Variants in UVRAG observed in about 807,000 individuals in gnomAD.
The protein encoded by UVRAG is UV radiation resistance-associated gene protein.
A neutral mutation model predicts 78.0 loss-of-function variants in UVRAG; 19 were observed. That is an observed-to-expected ratio of 0.24 (90% CI 0.17 to 0.36). The LOEUF is 0.36. UVRAG is among the 10% of genes least tolerant of loss of function. The pLI is 1.00. For synonymous variants in UVRAG, 323 were observed against 324.6 expected (o/e 1.00, Z 0.05); for missense variants, 740 against 853.8 (o/e 0.87, Z 1.66).
At chr11:76,082,464 C>T (rs918037347) in intron 13 of UVRAG, among the ~76,000 whole-genome samples, 5 of 133,384 alleles carry the variant, frequency 3.7e-5, no homozygotes, top group Non-Finnish European at 7.6e-5. Context: ...GGCATGAACC[C>T]GGGAGGCGGA....
At chr11:75,870,043 G>T (rs1444698970) in intron 3 of UVRAG, among the ~76,000 whole-genome samples, 1 of 152,106 alleles carries the variant, frequency 6.6e-6, no homozygotes, top group African/African-American at 2.4e-5. Context: ...TTTGTTCCAT[G>T]TAGAAATTGG....
intron 2 of UVRAG, among the ~76,000 whole-genome samples, chr11:75,854,472 A>C (rs1000239269): frequency 2.0e-5 from 3 of 151,992 alleles, no homozygotes; most frequent in African/African-American, 7.3e-5. Flanking sequence ...GCTGGAGTGC[A>C]GTGGTGCCAT....
intron 7 of UVRAG, among the ~76,000 whole-genome samples, chr11:75,982,929 T>C (rs1471355059): frequency 6.6e-6 from 1 of 152,212 alleles, no homozygotes; most frequent in Non-Finnish European, 1.5e-5. Flanking sequence ...ATTTGGGTTT[T>C]TTATGTCGTT....
chr11:76,096,883 G>A (rs530527607), intron 13 of UVRAG, among the ~76,000 whole-genome samples: 76 of 152,270 alleles, frequency 5.0e-4, no homozygotes, highest in Non-Finnish European at 9.4e-4. Context: ...AGCCTTTGCT[G>A]CTGCTCCAAG....
intron 11 of UVRAG, chr11:76,012,828 TG>T (rs1950078287): frequency 6.6e-6 from 1 of 151,668 alleles, no homozygotes; most frequent in African/African-American, 2.4e-5. Context: ...TGTGTGTGTG[TG>T]TGTGTGTGTG....
At chr11:76,140,632 G>A in intron 14 of UVRAG, 79 bp from the exon 15 acceptor site, 2 of 1,370,292 alleles carry the variant, frequency 1.5e-6, no homozygotes, top group Non-Finnish European at 2.0e-6. Flanking sequence ...TAAGTATGCT[G>A]TTCCCTGTCT....
At chr11:76,132,978 C>T (rs1223017233) in intron 14 of UVRAG, among the ~76,000 whole-genome samples, 2 of 152,190 alleles carry the variant, frequency 1.3e-5, no homozygotes, top group Non-Finnish European at 2.9e-5. Flanking sequence ...CTAGTGGCTT[C>T]ATGACCTTTG....
intron 13 of UVRAG, among the ~76,000 whole-genome samples, chr11:76,106,468 C>T (rs1951972940): frequency 6.6e-6 from 1 of 151,992 alleles, no homozygotes; most frequent in African/African-American, 2.4e-5. Flanking sequence ...CAGGTTCAAG[C>T]AATTCTCTCA....
chr11:76,106,393 T>A (rs1951971161), intron 13 of UVRAG, among the ~76,000 whole-genome samples: 1 of 152,028 alleles, frequency 6.6e-6, no homozygotes, highest in Admixed American at 6.6e-5. Context: ...TAAGATGGAA[T>A]CCCGCTCTGT....
At position 75,824,811 on chromosome 11, in the gene UVRAG, C is replaced by G. The variant is rs192428945; in HGVS notation, c.117+9287C>G. On this transcript the variant is annotated intron_variant, in intron 1 of 14. Transcript: ENST00000356136. ...GCCTCAGCCTCCCTAGTAGCTGGGACTACAGGCGCCTGCCACCACGCCCGG... is the reference window on the plus strand; with the variant it reads ...GCCTCAGCCTCCCTAGTAGCTGGGAGTACAGGCGCCTGCCACCACGCCCGG... Among the ~76,000 whole-genome samples, 1,406 of 151,148 alleles carry G rather than the reference C, an allele frequency of 9.3e-3. 22 individuals carry two copies. The highest frequency in any genetic ancestry group is 0.033 in the African/African-American group (1,353 of 41,140).
chr11:75,921,795 C>T (rs1038213704), intron 6 of UVRAG, among the ~76,000 whole-genome samples: 1 of 151,750 alleles, frequency 6.6e-6, no homozygotes, highest in Non-Finnish European at 1.5e-5. Flanking sequence ...TTCATTGTGC[C>T]AGCACCTTTC....
intron 12 of UVRAG, among the ~76,000 whole-genome samples, chr11:76,028,333 A>T (rs931764702): frequency 2.0e-5 from 3 of 152,080 alleles, no homozygotes; most frequent in African/African-American, 7.2e-5. Flanking sequence ...ACATTATTGA[A>T]ACTAGACCAA....
Position 76,140,794 on chromosome 11 carries a change from G to A in UVRAG, c.1481G>A (p.Gly494Glu). Residue 494 changes from glycine to glutamate, a missense_variant, in exon 15 of 15, where the codon GGG becomes GAG. Coordinates refer to ENST00000356136, the MANE Select transcript of UVRAG (RefSeq NM_003369.4). ...IFGGADVGFS[G>E]GIPSPDKGHR... ...GGGGGTGCAGATGTAGGCTTCTCTG[G>A]GGGGATCCCTTCACCAGACAAAGGA... 1 of 1,614,046 alleles carries A rather than the reference G, an allele frequency of 6.2e-7. No individual in the cohort carries two copies. Among genetic ancestry groups the A allele is most frequent in the Admixed American group, 1.7e-5 (1 of 60,010 alleles).
rs1950056084 is a variant in UVRAG, at chr11:76,011,827, T to C, written c.1060+2960T>C. 2.0e-5 allele frequency among the ~76,000 whole-genome samples: 3 copies of C among 152,194 alleles called. No individual in the cohort carries two copies. In the South Asian group the frequency reaches 6.2e-4, roughly 32 times the overall value. On this transcript the variant is annotated intron_variant, in intron 11 of 14. Transcript: ENST00000356136. ...GTAATCAAGACAGTCAGTAAGTATTTATTGAATTCATACTCTGTGTCAGGC... is the reference window on the plus strand; with the variant it reads ...GTAATCAAGACAGTCAGTAAGTATTCATTGAATTCATACTCTGTGTCAGGC...
chr11:76,073,953 T>C (rs1951361334), intron 13 of UVRAG, among the ~76,000 whole-genome samples: 4 of 152,322 alleles, frequency 2.6e-5, no homozygotes, highest in Admixed American at 2.0e-4. Context: ...AGCTGGCTTC[T>C]ATTAAGCTAG....
intron 4 of UVRAG, among the ~76,000 whole-genome samples, chr11:75,885,080 T>C (rs945340400): frequency 6.6e-6 from 1 of 152,110 alleles, no homozygotes; most frequent in African/African-American, 2.4e-5. Context: ...GTTAGATTTA[T>C]ACCTATAGAT....
chr11:75,982,501 G>C lies in UVRAG; in HGVS notation c.700-886G>C, dbSNP rs150445797. Among the ~76,000 whole-genome samples, 1,302 of 152,274 alleles carry C rather than the reference G, an allele frequency of 8.6e-3. 9 individuals carry two copies. Among genetic ancestry groups the C allele is most frequent in the South Asian group, 0.026 (124 of 4,824 alleles). On this transcript the variant is annotated intron_variant, in intron 7 of 14. Coordinates refer to ENST00000356136, the MANE Select transcript of UVRAG (RefSeq NM_003369.4). The stretch of plus-strand genomic sequence containing the variant: ...GGCCTTCTCTAATACCACTGCATTG[G>C]GGGTGGGAGAGGGTTATCTTATTAC...
chr11:76,061,394 A>T (rs1280603899), intron 12 of UVRAG, among the ~76,000 whole-genome samples: 1 of 152,168 alleles, frequency 6.6e-6, no homozygotes, highest in African/African-American at 2.4e-5. Context: ...TGCAGGCTGC[A>T]GGCACCAGCA....
intron 13 of UVRAG, among the ~76,000 whole-genome samples, chr11:76,085,884 C>G (rs953692097): frequency 9.2e-5 from 14 of 152,162 alleles, no homozygotes; most frequent in African/African-American, 3.4e-4. Context: ...CATCTATCAG[C>G]TTGTATTTCT....
Sources: gnomAD v4.1 joint callset for allele counts (sites outside exome capture counted in the v4.1 genomes callset) on GRCh38, gnomAD v4.1.1 for gene constraint, MANE v1.5 for transcripts, NCBI Gene and HGNC (gene_info 2026-07-23, HGNC 2026-07-21) for gene names.